Variants in RAB3B observed in about 807,000 individuals in gnomAD.
RAB3B encodes RAB3B, member RAS oncogene family.
A neutral mutation model predicts 20.5 loss-of-function variants in RAB3B; 11 were observed. The ratio of observed to expected loss-of-function variants is 0.54; its 90% CI spans 0.34 to 0.89. RAB3B has a LOEUF of 0.89. Among genes scored for constraint, RAB3B ranks in the 40% least tolerant of loss-of-function variants. The probability of loss-of-function intolerance (pLI) is 0.02; values close to 1 mark genes in which losing one functional copy is unlikely to be tolerated. For missense variants in RAB3B, 225 were observed against 280.9 expected (o/e 0.80, Z 1.42); for synonymous variants, 99 against 106.3 (o/e 0.93, Z 0.42).
At chr1:51,975,365 T>C (rs1475380895) in intron 2 of RAB3B, among the ~76,000 whole-genome samples, 1 of 152,220 alleles carries the variant, frequency 6.6e-6, no homozygotes, top group Non-Finnish European at 1.5e-5. Flanking sequence ...AATTTATTAG[T>C]ACTATTGGCA....
chr1:51,910,133 C>T lies in RAB3B; in HGVS notation c.*9794G>A, dbSNP rs1481297112. 6.6e-6 allele frequency: 1 copy of T among 152,202 alleles called. No homozygotes were observed. Among genetic ancestry groups the T allele is most frequent in the Non-Finnish European group, 1.5e-5 (1 of 68,048 alleles). 9.4% of individuals were successfully genotyped at this position (152,202 alleles called of 1,614,324 possible). A position where few individuals can be genotyped will look rare whatever the true frequency, so the allele number is the denominator to read the frequency against. On this transcript the variant is annotated 3_prime_UTR_variant, in exon 5 of 5. Transcript: ENST00000371655. ...AAGAACTGAACCCAGGTCTGTCAGACTGTAAGCCCTGTAGGCTTAACTATT... is the reference window on the plus strand; with the variant it reads ...AAGAACTGAACCCAGGTCTGTCAGATTGTAAGCCCTGTAGGCTTAACTATT...
chr1:51,961,771 T>C (rs1684787501), intron 2 of RAB3B, among the ~76,000 whole-genome samples: 1 of 152,060 alleles, frequency 6.6e-6, no homozygotes, highest in South Asian at 2.1e-4. Context: ...CAGACCTTTA[T>C]TTTTATTTTT....
rs1424843474 is a variant in RAB3B, at chr1:51,949,951, G to A, written c.229-12539C>T. Among the ~76,000 whole-genome samples, 6 of 152,314 alleles carry A rather than the reference G, an allele frequency of 3.9e-5. No individual in the cohort carries two copies. The East Asian group carries it at 1.2e-3, about 29-fold the overall frequency. On this transcript the variant is annotated intron_variant, in intron 2 of 4. Coordinates refer to ENST00000371655, the MANE Select transcript of RAB3B (RefSeq NM_002867.4). ...CATTGACAACTGTAGGGTGATGAGG[G>A]TGGAGAATTTTATTGAGTGACGAAA...
At chr1:51,926,423 G>A in intron 4 of RAB3B, among the ~76,000 whole-genome samples, 1 of 152,182 alleles carries the variant, frequency 6.6e-6, no homozygotes, top group East Asian at 1.9e-4. Flanking sequence ...GTTTGATTAT[G>A]TGACTTGCTT....
rs569301766 is a variant in RAB3B, at chr1:51,963,649, G to A, written c.228+13241C>T. Reference sequence around the variant, plus strand: ...CTAAATGACATTCTCCTCTCTCTTCGACTCTCCAAACTTCCTCCCTCATCT... The same window carrying A: ...CTAAATGACATTCTCCTCTCTCTTCAACTCTCCAAACTTCCTCCCTCATCT... On this transcript the variant is annotated intron_variant, in intron 2 of 4. Transcript: ENST00000371655. Among the ~76,000 whole-genome samples, 12 of 151,914 alleles carry A rather than the reference G, an allele frequency of 7.9e-5. No individual in the cohort carries two copies. In the East Asian group the frequency reaches 1.2e-3, roughly 15 times the overall value.
chr1:51,923,458 G>A (rs1034431083), intron 4 of RAB3B, among the ~76,000 whole-genome samples: 5 of 152,150 alleles, frequency 3.3e-5, no homozygotes, highest in African/African-American at 9.7e-5. Flanking sequence ...GCTCACGCCT[G>A]TAATCCCTGC....
intron 2 of RAB3B, among the ~76,000 whole-genome samples, chr1:51,948,717 A>G (rs1008933650): frequency 3.3e-5 from 5 of 152,168 alleles, no homozygotes; most frequent in Admixed American, 2.6e-4. Context: ...ACATGCTCCA[A>G]TTATATGCTT....
chr1:51,966,445 T>C (rs1298323808), intron 2 of RAB3B, among the ~76,000 whole-genome samples: 2 of 152,244 alleles, frequency 1.3e-5, no homozygotes, highest in East Asian at 1.9e-4. Context: ...AAATGGCTTG[T>C]AGATTATTTC....
At chr1:51,981,780 A>G (rs1169701722) in intron 1 of RAB3B, among the ~76,000 whole-genome samples, 1 of 152,202 alleles carries the variant, frequency 6.6e-6, no homozygotes, top group Admixed American at 6.5e-5. Flanking sequence ...TAGCCATGGT[A>G]ACATTGTAGC....
At chr1:51,925,549 C>A (rs964818974) in intron 4 of RAB3B, among the ~76,000 whole-genome samples, 10 of 152,228 alleles carry the variant, frequency 6.6e-5, no homozygotes, top group Non-Finnish European at 1.0e-4. Flanking sequence ...CTTCATCTTC[C>A]TGGCTCACAC....
In RAB3B at chr1:51,937,343, G is replaced by A; in HGVS notation, c.298C>T (p.Leu100=). 1.2e-6 allele frequency: 2 copies of A among 1,613,574 alleles called. No individual in the cohort carries two copies. The highest frequency in any genetic ancestry group is 1.7e-6 in the Non-Finnish European group (2 of 1,179,680). Residue 100 remains leucine (L), a synonymous_variant, in exon 3 of 5, where the codon CTG becomes TTG. Transcript: ENST00000371655. ...AYYRGAMGFI[L]MYDITNEESF... Reference sequence around the variant, plus strand: ...TCTTCATTGGTGATGTCATACATCAGAATGAAGCCCATGGCCCCACGGTAA... The same window carrying A: ...TCTTCATTGGTGATGTCATACATCAAAATGAAGCCCATGGCCCCACGGTAA...
rs1160625371 is a variant in RAB3B, at chr1:51,972,489, CTTTTTT to C, written c.228+4395_228+4400del. Among the ~76,000 whole-genome samples, 343 of 130,876 alleles carry C rather than the reference CTTTTTT, an allele frequency of 2.6e-3. 2 individuals carry two copies. Among genetic ancestry groups the C allele is most frequent in the African/African-American group, 9.4e-3 (332 of 35,260 alleles). The allele number at this position is 130,876 out of a possible 152,430, so 85.9% of individuals were successfully genotyped here. Reference sequence around the variant, plus strand: ...TATACACTATGCTTTTTTCTTTTTTCTTTTTTTTTTTTTTTTTGAGTTGGAGTGTTG... The same window carrying C: ...TATACACTATGCTTTTTTCTTTTTTCTTTTTTTTTTTGAGTTGGAGTGTTG... On this transcript the variant is annotated intron_variant, in intron 2 of 4. Transcript: ENST00000371655.
intron 4 of RAB3B, among the ~76,000 whole-genome samples, chr1:51,930,854 GA>G (rs1317182123): frequency 5.9e-5 from 9 of 151,764 alleles, no homozygotes; most frequent in African/African-American, 1.9e-4. Flanking sequence ...CGTCTCTACT[GA>G]AAATACAAAA....
intron 1 of RAB3B, among the ~76,000 whole-genome samples, chr1:51,980,240 G>A (rs1685068996): frequency 6.6e-6 from 1 of 152,038 alleles, no homozygotes; most frequent in Non-Finnish European, 1.5e-5. Context: ...ACCAGCCTGG[G>A]CAACATAGGG....
At chr1:51,981,165 G>A (rs1685083247) in intron 1 of RAB3B, among the ~76,000 whole-genome samples, 1 of 152,024 alleles carries the variant, frequency 6.6e-6, no homozygotes, top group Non-Finnish European at 1.5e-5. Flanking sequence ...CGAGTAGCTG[G>A]GACTACAGGC....
chr1:51,943,416 A>T, intron 2 of RAB3B, among the ~76,000 whole-genome samples: 1 of 109,844 alleles, frequency 9.1e-6, no homozygotes, highest in African/African-American at 3.1e-5. Flanking sequence ...CAACAACAAC[A>T]ACAACAACAC....
intron 4 of RAB3B, among the ~76,000 whole-genome samples, chr1:51,931,247 A>C (rs1031525635): frequency 6.6e-6 from 1 of 152,072 alleles, no homozygotes; most frequent in Non-Finnish European, 1.5e-5. Flanking sequence ...CCTGCCTGGA[A>C]TGCCCTTAAC....
intron 2 of RAB3B, among the ~76,000 whole-genome samples, chr1:51,944,049 T>C (rs1287388246): frequency 3.3e-5 from 5 of 152,320 alleles, no homozygotes; most frequent in Admixed American, 1.3e-4. Context: ...GAGAAGTCAA[T>C]GCCTGACTTC....
chr1:51,976,849 C>G, intron 2 of RAB3B, 41 bp downstream of exon 2: 3 of 1,574,456 alleles, frequency 1.9e-6, no homozygotes, highest in Middle Eastern at 1.7e-4. Flanking sequence ...GCAGGCCAGC[C>G]GCTTCTCAGG....
Sources: allele counts gnomAD v4.1 joint callset (sites outside exome capture counted in the v4.1 genomes callset), GRCh38; gene constraint gnomAD v4.1.1; transcripts MANE v1.5; gene names NCBI Gene and HGNC (gene_info 2026-07-23, HGNC 2026-07-21).